The following FRAS1 variants were observed in gnomAD, a reference collection of about 807,000 sequenced individuals.
The protein encoded by FRAS1 is extracellular matrix organizing protein FRAS1.
FRAS1 carries 290 observed loss-of-function variants against 435.2 expected under a neutral mutation model. The observed-to-expected ratio is 0.67, with a 90% CI of 0.61 to 0.73. The LOEUF is 0.73. FRAS1 is among the 30% of genes least tolerant of loss of function. The probability of loss-of-function intolerance (pLI) is 0.00; values close to 1 mark genes in which losing one functional copy is unlikely to be tolerated. For missense variants in FRAS1, 4,860 were observed against 5,001.5 expected (o/e 0.97, Z 0.85); for synonymous variants, 1,800 against 1,851.0 (o/e 0.97, Z 0.71).
At chr4:78,341,891 G>A (rs1406878406) in intron 20 of FRAS1, among the ~76,000 whole-genome samples, 3 of 152,174 alleles carry the variant, frequency 2.0e-5, no homozygotes, top group African/African-American at 4.8e-5. Flanking sequence ...TCTTACTCTA[G>A]CTACTAGGAG....
At position 78,519,876 on chromosome 4, in the gene FRAS1, A is replaced by G. The variant is rs1578371192; in HGVS notation, c.10540+395A>G. On this transcript the variant is annotated intron_variant, in intron 67 of 73. Transcript: ENST00000512123. Reference sequence around the variant, plus strand: ...AAATCAGATGCAAGGAAATGGAAAAATGTGTCAAGAGCACTTGAAATATTT... The same window carrying G: ...AAATCAGATGCAAGGAAATGGAAAAGTGTGTCAAGAGCACTTGAAATATTT... 3.3e-5 allele frequency among the ~76,000 whole-genome samples: 5 copies of G among 152,332 alleles called. No individual in the cohort carries two copies. In the Middle Eastern group the frequency reaches 0.01, roughly 311 times the overall value.
intron 70 of FRAS1, among the ~76,000 whole-genome samples, chr4:78,528,989 T>C (rs1471861395): frequency 6.6e-6 from 1 of 152,038 alleles, no homozygotes; most frequent in Non-Finnish European, 1.5e-5. Flanking sequence ...AGAGAGGAGC[T>C]GGAAAGACAT....
intron 2 of FRAS1, among the ~76,000 whole-genome samples, chr4:78,174,539 T>C (rs1053910946): frequency 2.0e-5 from 3 of 152,178 alleles, no homozygotes; most frequent in African/African-American, 7.2e-5. Flanking sequence ...ATAACCAGTA[T>C]GGAAGGGAGG....
chr4:78,499,811 G>A lies in FRAS1; in HGVS notation c.9206G>A (p.Arg3069His), dbSNP rs373473981. Residue 3069 changes from arginine (R) to histidine (H), a missense_variant, in exon 61 of 74, where the codon CGC becomes CAC. Arg to His is a conservative substitution (Grantham distance 29). Coordinates refer to ENST00000512123, the MANE Select transcript of FRAS1 (RefSeq NM_025074.7). ...GCGATTCTGAACATCAAGGTGATCC[G>A]CAGAGGGGATCAGAACAGGACCTCC... ...AIAILNIKVI[R>H]RGDQNRTSKV... 9.3e-6 allele frequency: 15 copies of A among 1,613,676 alleles called. No individual in the cohort carries two copies. The highest frequency in any genetic ancestry group is 1.6e-4 in the Middle Eastern group (1 of 6,084).
At position 78,541,751 on chromosome 4, in the gene FRAS1, A is replaced by C. The variant is rs529631087; in HGVS notation, c.*627A>C. On this transcript the variant is annotated 3_prime_UTR_variant, in exon 74 of 74. Coordinates refer to ENST00000512123, the MANE Select transcript of FRAS1 (RefSeq NM_025074.7). Reference sequence around the variant, plus strand: ...AGTAAAATCCTCTGAAAACCACGGGAGCCTCTGCCTCCTCAGCCACAGAGA... The same window carrying C: ...AGTAAAATCCTCTGAAAACCACGGGCGCCTCTGCCTCCTCAGCCACAGAGA... The C allele has an allele frequency of 6.6e-6, 1 of 152,304 alleles. No homozygotes were observed. Among genetic ancestry groups the C allele is most frequent in the African/African-American group, 2.4e-5 (1 of 41,564 alleles). 9.4% of individuals were successfully genotyped at this position (152,304 alleles called of 1,614,324 possible).
intron 40 of FRAS1, among the ~76,000 whole-genome samples, chr4:78,440,424 CCA>C (rs1033170850): frequency 6.6e-6 from 1 of 152,112 alleles, no homozygotes; most frequent in Non-Finnish European, 1.5e-5. Flanking sequence ...GTCCCCATTC[CCA>C]GAGTCAGAGT....
intron 44 of FRAS1, among the ~76,000 whole-genome samples, chr4:78,449,632 G>A (rs1368411317): frequency 6.6e-6 from 1 of 152,148 alleles, no homozygotes; most frequent in Non-Finnish European, 1.5e-5. Flanking sequence ...GCAGTGTCCA[G>A]GGCCCAGAGG....
In FRAS1 at chr4:78,315,494, T is replaced by G; in HGVS notation, c.1679-100T>G. 6 of 1,226,230 alleles carry G rather than the reference T, an allele frequency of 4.9e-6. 1 individual carries two copies. The highest frequency in any genetic ancestry group is 6.7e-6 in the Non-Finnish European group (6 of 894,956). The allele number at this position is 1,226,230 out of a possible 1,614,324, so 76.0% of individuals were successfully genotyped here. On this transcript the variant is annotated intron_variant, in intron 15 of 73. Coordinates refer to ENST00000512123, the MANE Select transcript of FRAS1 (RefSeq NM_025074.7). ...TTGCTGAGCAGCCAGAAAATGAGAT[T>G]ATGATATTGATACCCATTGTGGATA...
chr4:78,239,333 C>T (rs1478464061), intron 3 of FRAS1, among the ~76,000 whole-genome samples: 1 of 152,170 alleles, frequency 6.6e-6, no homozygotes, highest in African/African-American at 2.4e-5. Context: ...CAACCCCCTC[C>T]CAGCTCTTCC....
At position 78,402,479 on chromosome 4, in the gene FRAS1, G is replaced by A. The variant is rs950336428; in HGVS notation, c.4129+1592G>A. ...GTAACCTTGAAAATGGCAGGTATAA[G>A]GTCTTGTGCCATAGGTTTCTTCGAG... On this transcript the variant is annotated intron_variant, in intron 30 of 73. Coordinates refer to ENST00000512123, the MANE Select transcript of FRAS1 (RefSeq NM_025074.7). 2.0e-5 allele frequency among the ~76,000 whole-genome samples: 3 copies of A among 151,948 alleles called. No individual in the cohort carries two copies. In the East Asian group the frequency reaches 5.8e-4, roughly 29 times the overall value.
chr4:78,293,491 C>A (rs775406949), intron 14 of FRAS1, among the ~76,000 whole-genome samples: 8 of 152,202 alleles, frequency 5.3e-5, no homozygotes, highest in African/African-American at 9.6e-5. Context: ...AGGATAATTA[C>A]AGACTCTCTA....
At chr4:78,312,859 AAGAGAGAGAGAG>A (rs61199249) in intron 15 of FRAS1, among the ~76,000 whole-genome samples, 1 of 121,718 alleles carries the variant, frequency 8.2e-6, no homozygotes, top group Non-Finnish European at 1.7e-5. Context: ...GAAAGAAAGA[AAGAGAGAGAGAG>A]AGAGAGAGAG....
chr4:78,509,008 T>G lies in FRAS1; in HGVS notation c.9780+2T>G, dbSNP rs761549675. 6.2e-7 allele frequency: 1 copy of G among 1,613,954 alleles called. No homozygotes were observed. Among genetic ancestry groups the G allele is most frequent in the South Asian group, 1.1e-5 (1 of 91,072 alleles). ...CCATTCACCAGTGTCAACCACATGG[T>G]AGGTCTGGGGGTCTGGGCCTGGTTC... On this transcript the variant is annotated splice_donor_variant, in intron 63 of 73. Coordinates refer to ENST00000512123, the MANE Select transcript of FRAS1 (RefSeq NM_025074.7). LOFTEE classifies it high-confidence loss of function.
Position 78,372,373 on chromosome 4 carries a change from C to A in FRAS1, c.2870-345C>A, listed in dbSNP as rs577517133. On this transcript the variant is annotated intron_variant, in intron 23 of 73. Transcript: ENST00000512123. ...GGTTAGGTTTGTGGGGCAAGTTGGC[C>A]ACTCCCTGCGGCAGGTTTTGCATGA... 1.6e-4 allele frequency among the ~76,000 whole-genome samples: 25 copies of A among 152,236 alleles called. No homozygotes were observed. The South Asian group carries it at 5.2e-3, about 32-fold the overall frequency.
rs1352840900 is a variant in FRAS1 at position 78,267,077 on chromosome 4, T to C, written c.789+142T>C. On this transcript the variant is annotated intron_variant, in intron 8 of 73. Coordinates refer to ENST00000512123, the MANE Select transcript of FRAS1 (RefSeq NM_025074.7). ...TTACATAAAGATATGAAGGCTCTGCTTCCTAGGAAGAAGGGTTGAGGTGCA... is the reference window on the plus strand; with the variant it reads ...TTACATAAAGATATGAAGGCTCTGCCTCCTAGGAAGAAGGGTTGAGGTGCA... 9.9e-6 allele frequency: 9 copies of C among 911,492 alleles called. No homozygotes were observed. The East Asian group carries it at 2.4e-4, about 24-fold the overall frequency. 56.5% of individuals were successfully genotyped at this position (911,492 alleles called of 1,614,324 possible). A position where few individuals can be genotyped will look rare whatever the true frequency, so the allele number is the denominator to read the frequency against.
At position 78,363,943 on chromosome 4, in the gene FRAS1, G is replaced by A; in HGVS notation, c.2611G>A (p.Gly871Arg). ...HSSCRTCQGR[G>R]PFSCSSCDTN... is the part of the protein sequence containing the mutation. The stretch of plus-strand genomic sequence containing the variant: ...CTCCTGCAGAACCTGCCAGGGCAGA[G>A]GACCTTTCTCCTGCTCCTCATGTGA... The change falls in exon 22 of 74, where the codon GGA becomes AGA. Residue 871 changes from glycine (G) to arginine (R), a missense_variant. Coordinates refer to ENST00000512123, the MANE Select transcript of FRAS1 (RefSeq NM_025074.7). The A allele has an allele frequency of 6.2e-7, 1 of 1,613,408 alleles. No individual in the cohort carries two copies. Among genetic ancestry groups the A allele is most frequent in the Non-Finnish European group, 8.5e-7 (1 of 1,179,704 alleles).
chr4:78,400,301 C>T (rs1732830446), intron 29 of FRAS1, among the ~76,000 whole-genome samples: 2 of 152,198 alleles, frequency 1.3e-5, no homozygotes. Flanking sequence ...ATGTGTCTGT[C>T]TCTCCCACTA....
chr4:78,315,537 C>A, intron 15 of FRAS1, 57 bp from the exon 16 acceptor site: 2 of 1,536,902 alleles, frequency 1.3e-6, no homozygotes, highest in Non-Finnish European at 8.8e-7. Flanking sequence ...GAATAGACTT[C>A]ACTGCTTCTT....
chr4:78,320,557 C>T (rs1729463098), intron 18 of FRAS1, among the ~76,000 whole-genome samples: 1 of 152,068 alleles, frequency 6.6e-6, no homozygotes, highest in Non-Finnish European at 1.5e-5. Flanking sequence ...AAACCTATGT[C>T]CCCTAAAGAA....
Sources: allele counts gnomAD v4.1 joint callset (sites outside exome capture counted in the v4.1 genomes callset), GRCh38; gene constraint gnomAD v4.1.1; transcripts MANE v1.5; gene names NCBI Gene and HGNC (gene_info 2026-07-23, HGNC 2026-07-21).